The following ATP12A variants were observed in gnomAD, a reference collection of about 807,000 sequenced individuals.
ATP12A encodes ATPase H+/K+ transporting non-gastric alpha2 subunit.
A neutral mutation model predicts 111.2 loss-of-function variants in ATP12A; 81 were observed. That is an observed-to-expected ratio of 0.73 (90% CI 0.61 to 0.88). The LOEUF (loss-of-function observed/expected upper bound fraction) is 0.88, where lower values mean the gene tolerates loss of function less well. ATP12A is among the 40% of genes least tolerant of loss of function. The probability of loss-of-function intolerance (pLI) is 0.00; values close to 1 mark genes in which losing one functional copy is unlikely to be tolerated. For synonymous variants in ATP12A, 498 were observed against 499.8 expected (o/e 1.00, Z 0.05); for missense variants, 1,196 against 1,313.1 (o/e 0.91, Z 1.38).
At chr13:24,689,226 C>G in intron 4 of ATP12A, 36 bp from the exon 5 acceptor site, 6 of 1,580,952 alleles carry the variant, frequency 3.8e-6, no homozygotes, top group Non-Finnish European at 5.2e-6. Context: ...CTTCCCACTG[C>G]TGGTTTCTCT....
intron 17 of ATP12A, 147 bp from the exon 18 acceptor site, chr13:24,709,217 C>T (rs936848315): frequency 7.7e-5 from 66 of 856,028 alleles, no homozygotes; most frequent in Middle Eastern, 3.6e-4. Context: ...ACAGACAACA[C>T]GCCCTCTACT....
intron 12 of ATP12A, among the ~76,000 whole-genome samples, chr13:24,699,619 C>T (rs77706032): frequency 0.035 from 5,376 of 152,180 alleles, 168 homozygotes; most frequent in African/African-American, 0.085. Context: ...TCCCATTTAA[C>T]GACTAGGAAG....
intron 2 of ATP12A, among the ~76,000 whole-genome samples, chr13:24,684,571 G>T (rs1874600451): frequency 6.6e-6 from 1 of 151,988 alleles, no homozygotes; most frequent in South Asian, 2.1e-4. Context: ...GAGGAGAAGA[G>T]GATTCCCCCA....
chr13:24,688,368 A>G lies in ATP12A; in HGVS notation c.278A>G (p.Asn93Ser). The G allele has an allele frequency of 1.2e-6, 2 of 1,613,600 alleles. No individual in the cohort carries two copies. Among genetic ancestry groups the G allele is most frequent in the Non-Finnish European group, 1.7e-6 (2 of 1,179,872 alleles). Residue 93 changes from asparagine (N) to serine (S), a missense_variant, in exon 4 of 23, where the codon AAC (asparagine) becomes AGC (serine). Asn to Ser is a conservative substitution (Grantham distance 46, BLOSUM62 1). Coordinates refer to ENST00000381946, the MANE Select transcript of ATP12A (RefSeq NM_001676.7). ...GAGCTCCTGGCCCGGGATGGGCCCA[A>G]CTCCCTCACCCCTCCCAAGCAGACG... ...AAELLARDGP[N>S]SLTPPKQTPE...
chr13:24,696,429 G>GGA (rs1182972365), intron 11 of ATP12A, among the ~76,000 whole-genome samples: 12 of 77,064 alleles, frequency 1.6e-4, no homozygotes, highest in African/African-American at 1.9e-4. Context: ...GAGGGGGGCC[G>GGA]GGCGCGGTGG....
intron 17 of ATP12A, among the ~76,000 whole-genome samples, chr13:24,708,048 A>C (rs1409788164): frequency 6.6e-6 from 1 of 152,112 alleles, no homozygotes; most frequent in Admixed American, 6.5e-5. Flanking sequence ...TCTTTTGGGA[A>C]GATGAAGCTG....
In ATP12A at chr13:24,692,802, A is replaced by T; in HGVS notation, c.1283A>T (p.Gln428Leu). 6.2e-7 allele frequency: 1 copy of T among 1,614,252 alleles called. No homozygotes were observed. The highest frequency in any genetic ancestry group is 8.5e-7 in the Non-Finnish European group (1 of 1,180,038). Reference sequence around the variant, plus strand: ...TGTCTTCCAGACCAAGTCTTTGACCAAAGCTCTAGGACTTGGGCCTCCTTA... The same window carrying T: ...TGTCTTCCAGACCAAGTCTTTGACCTAAGCTCTAGGACTTGGGCCTCCTTA... Reference protein sequence around the residue: ...SEDHSNQVFDQSSRTWASLSK... With the variant: ...SEDHSNQVFDLSSRTWASLSK... The change falls in exon 10 of 23, where the codon CAA becomes CTA. Residue 428 changes from glutamine to leucine, a missense_variant. Physicochemically the swap from Gln to Leu is moderately radical, Grantham distance 113 (BLOSUM62 -2). This residue lies in a region of ATP12A where 1,126 missense variants were observed against 1,228.5 expected (regional missense o/e 0.92). Transcript: ENST00000381946.
chr13:24,708,917 G>A (rs1593144581), intron 17 of ATP12A, among the ~76,000 whole-genome samples: 1 of 120,444 alleles, frequency 8.3e-6, no homozygotes, highest in Admixed American at 7.8e-5. Context: ...AAGAAAGAAA[G>A]AAAGAAAGAA....
At chr13:24,686,777 G>GGAAGGAAA (rs1566069537) in intron 3 of ATP12A, among the ~76,000 whole-genome samples, 1 of 149,682 alleles carries the variant, frequency 6.7e-6, no homozygotes, top group Non-Finnish European at 1.5e-5. Flanking sequence ...AAGGAAGGAA[G>GGAAGGAAA]GAAAGAAAGA....
At chr13:24,684,681 T>C (rs1874604714) in intron 2 of ATP12A, among the ~76,000 whole-genome samples, 1 of 152,248 alleles carries the variant, frequency 6.6e-6, no homozygotes, top group Non-Finnish European at 1.5e-5. Context: ...TCTCCCAGAA[T>C]GGCAGCAGGG....
chr13:24,690,870 T>C (rs7986008), intron 7 of ATP12A, 112 bp from the exon 8 acceptor site: 464,561 of 1,487,236 alleles, frequency 0.31, 78,136 homozygotes, highest in East Asian at 0.56. Context: ...TGCTTGGCCT[T>C]GGGAATGTGG....
rs61740542 is a variant in ATP12A at position 24,698,688 on chromosome 13, G to A, written c.1543G>A (p.Gly515Ser). The change falls in exon 12 of 23, where the codon GGC (glycine) becomes AGC (serine). Residue 515 changes from glycine (G) to serine (S), a missense_variant. Gly to Ser is a moderately conservative substitution (Grantham distance 56). Transcript: ENST00000381946. ...LSIHEMDDPH[G>S]KRFLMVMKGA... ...CATCCACGAGATGGATGACCCCCAC[G>A]GCAAGCGCTTCCTCATGGTGATGAA... 14,572 of 1,613,660 alleles carry A rather than the reference G, an allele frequency of 9.0e-3. 100 individuals carry two copies. The highest frequency in any genetic ancestry group is 0.018 in the Middle Eastern group (108 of 6,062).
chr13:24,706,926 G>T (rs921256136), intron 15 of ATP12A, 97 bp from the exon 16 acceptor site: 2 of 1,357,930 alleles, frequency 1.5e-6, no homozygotes, highest in Non-Finnish European at 2.0e-6. Context: ...AATCATCCTC[G>T]CAACCTCAAG....
At position 24,680,651 on chromosome 13, in the gene ATP12A, C is replaced by A; in HGVS notation, c.-93C>A. On this transcript the variant is annotated 5_prime_UTR_variant, in exon 1 of 23. Transcript: ENST00000381946. The stretch of plus-strand genomic sequence containing the variant: ...GCCAACACCTCAGCCACTGCCACTG[C>A]CACAGCCACACGAGGCCCCCCACCG... 1.4e-6 allele frequency: 2 copies of A among 1,436,474 alleles called. No homozygotes were observed. Among genetic ancestry groups the A allele is most frequent in the Non-Finnish European group, 1.9e-6 (2 of 1,076,894 alleles). The allele number at this position is 1,436,474 out of a possible 1,614,324, so 89.0% of individuals were successfully genotyped here.
At chr13:24,691,407 A>G (rs1381425282) in intron 8 of ATP12A, among the ~76,000 whole-genome samples, 157 bp downstream of exon 8, 1 of 152,196 alleles carries the variant, frequency 6.6e-6, no homozygotes, top group Non-Finnish European at 1.5e-5. Context: ...ACTGTTCCTT[A>G]CAGAGACAAA....
At chr13:24,706,925 C>A in intron 15 of ATP12A, 98 bp from the exon 16 acceptor site, 6 of 1,357,824 alleles carry the variant, frequency 4.4e-6, no homozygotes, top group Non-Finnish European at 6.0e-6. Context: ...TAATCATCCT[C>A]GCAACCTCAA....
chr13:24,708,098 G>A (rs1180413801), intron 17 of ATP12A, among the ~76,000 whole-genome samples: 2 of 152,210 alleles, frequency 1.3e-5, no homozygotes, highest in Non-Finnish European at 1.5e-5. Context: ...TGGGGGCCCA[G>A]TGACTAAAGT....
At position 24,696,718 on chromosome 13, in the gene ATP12A, C is replaced by CAAAA. The variant is rs1199522203; in HGVS notation, c.1513-1915_1513-1912dup. 1.4e-3 allele frequency among the ~76,000 whole-genome samples: 45 copies of CAAAA among 33,014 alleles called. 3 individuals are homozygous for CAAAA. The South Asian group carries it at 0.02, about 14-fold the overall frequency. 21.7% of individuals were successfully genotyped at this position (33,014 alleles called of 152,430 possible). A position where few individuals can be genotyped will look rare whatever the true frequency, so the allele number is the denominator to read the frequency against. On this transcript the variant is annotated intron_variant, in intron 11 of 22. Transcript: ENST00000381946. ...TGGGCGACAGAGCGAGACTCCGTCT[C>CAAAA]AAAAAAAAAAAAAAAAAAAAAAAAA...
Position 24,710,864 on chromosome 13 carries a change from T to A in ATP12A, c.2970T>A (p.Ser990Arg), listed in dbSNP as rs777814305. 6.2e-7 allele frequency: 1 copy of A among 1,614,222 alleles called. No individual in the cohort carries two copies. The highest frequency in any genetic ancestry group is 8.5e-7 in the Non-Finnish European group (1 of 1,180,038). The stretch of plus-strand genomic sequence containing the variant: ...TGATCCTCTCCTATGGCCTCGGAAG[T>A]GTCACAGCCTTGAGTTTCACCATGC... ...IGLILSYGLG[S>R]VTALSFTMLR... Residue 990 changes from serine to arginine, a missense_variant, in exon 21 of 23, where the codon AGT becomes AGA. Transcript: ENST00000381946.
Sources: allele counts gnomAD v4.1 joint callset (sites outside exome capture counted in the v4.1 genomes callset), GRCh38; gene constraint gnomAD v4.1.1; regional missense constraint gnomAD v4.1.1; transcripts MANE v1.5; gene names NCBI Gene and HGNC (gene_info 2026-07-23, HGNC 2026-07-21).